The following INIP variants were observed in gnomAD, a reference collection of about 807,000 sequenced individuals.
INIP encodes SOSS complex subunit C.
INIP carries 9 observed loss-of-function variants against 14.0 expected under a neutral mutation model. That is an observed-to-expected ratio of 0.64 (90% CI 0.39 to 1.12). The LOEUF (loss-of-function observed/expected upper bound fraction) is 1.12, where lower values mean the gene tolerates loss of function less well. Among genes scored for constraint, INIP ranks in the 50% most tolerant of loss-of-function variants. The probability of loss-of-function intolerance (pLI) is 0.01; values close to 1 mark genes in which losing one functional copy is unlikely to be tolerated. For missense variants in INIP, 78 were observed against 122.7 expected, an observed-to-expected ratio of 0.64 and a Z score of 1.72; for synonymous variants, 37 against 41.5, an observed-to-expected ratio of 0.89 and a Z score of 0.41.
intron 2 of INIP, among the ~76,000 whole-genome samples, chr9:112,715,773 CAAAA>C (rs767866943): frequency 9.3e-6 from 1 of 107,614 alleles, no homozygotes. Context: ...AATTCCATCT[CAAAA>C]AAAAAAAAAA....
intron 2 of INIP, among the ~76,000 whole-genome samples, chr9:112,715,390 A>G: frequency 6.6e-6 from 1 of 152,200 alleles, no homozygotes; most frequent in East Asian, 1.9e-4. Flanking sequence ...TTCTTCAATA[A>G]TACATTAACC....
At chr9:112,708,419 G>A (rs1838548931) in intron 2 of INIP, among the ~76,000 whole-genome samples, 2 of 152,164 alleles carry the variant, frequency 1.3e-5, no homozygotes, top group African/African-American at 2.4e-5. Flanking sequence ...GTTTTTAGTG[G>A]ATGGAAATGC....
chr9:112,711,005 C>T (rs183607524), intron 2 of INIP, among the ~76,000 whole-genome samples: 1 of 151,650 alleles, frequency 6.6e-6, no homozygotes, highest in African/African-American at 2.4e-5. Context: ...AAAGCGAGAC[C>T]CTGTTTCTAC....
chr9:112,709,785 G>A (rs1838591126), intron 2 of INIP, among the ~76,000 whole-genome samples: 1 of 152,192 alleles, frequency 6.6e-6, no homozygotes, highest in African/African-American at 2.4e-5. Flanking sequence ...CAGTCTGAGT[G>A]CATGTGTGGA....
rs941135509 is a variant in INIP at position 112,715,128 on chromosome 9, A to G, written c.25+1333T>C. ...GATCTTAAAATACACACATACATACATACATACACACACACACACACACAC... is the reference window on the plus strand; with the variant it reads ...GATCTTAAAATACACACATACATACGTACATACACACACACACACACACAC... On this transcript the variant is annotated intron_variant, in intron 2 of 4. Transcript: ENST00000374242. Among the ~76,000 whole-genome samples, 3 of 127,618 alleles carry G rather than the reference A, an allele frequency of 2.4e-5. No individual in the cohort carries two copies. In the South Asian group the frequency reaches 7.5e-4, roughly 32 times the overall value. 83.7% of individuals were successfully genotyped at this position (127,618 alleles called of 152,430 possible).
intron 2 of INIP, among the ~76,000 whole-genome samples, chr9:112,711,123 T>C (rs1464716721): frequency 1.3e-5 from 2 of 151,886 alleles, no homozygotes; most frequent in South Asian, 4.2e-4. Flanking sequence ...GGAGCTACAA[T>C]CACAACACTG....
intron 1 of INIP, among the ~76,000 whole-genome samples, chr9:112,717,290 G>T (rs1838855208): frequency 6.6e-6 from 1 of 152,150 alleles, no homozygotes; most frequent in Admixed American, 6.5e-5. Context: ...TACTGTATCT[G>T]CTCTGCACCA....
Position 112,684,037 on chromosome 9 carries a change from A to C in INIP, c.*3501T>G, listed in dbSNP as rs547467834. The C allele has an allele frequency of 6.6e-6, 1 of 152,366 alleles. No individual in the cohort carries two copies. Among genetic ancestry groups the C allele is most frequent in the Admixed American group, 6.5e-5 (1 of 15,306 alleles). 9.4% of individuals were successfully genotyped at this position (152,366 alleles called of 1,614,324 possible). ...TTTTTTTGCCATAACTCACAGTAAA[A>C]AAAAATACATTTTATATTGCAACTC... On this transcript the variant is annotated 3_prime_UTR_variant, in exon 5 of 5. Transcript: ENST00000374242.
At chr9:112,703,632 G>A (rs1013568872) in intron 2 of INIP, among the ~76,000 whole-genome samples, 1 of 152,072 alleles carries the variant, frequency 6.6e-6, no homozygotes, top group Admixed American at 6.6e-5. Flanking sequence ...TATCAAAATC[G>A]ATTGGACTAT....
Position 112,684,584 on chromosome 9 carries a change from T to C in INIP, c.*2954A>G, listed in dbSNP as rs1387754190. 6.6e-6 allele frequency: 1 copy of C among 151,776 alleles called. No homozygotes were observed. Among genetic ancestry groups the C allele is most frequent in the Non-Finnish European group, 1.5e-5 (1 of 67,944 alleles). 9.4% of individuals were successfully genotyped at this position (151,776 alleles called of 1,614,324 possible). A position where few individuals can be genotyped will look rare whatever the true frequency, so the allele number is the denominator to read the frequency against. ...AAAACCAACACAATACAAAGTAAAA[T>C]ATAGGAACACACAGAAACAGAATAT... On this transcript the variant is annotated 3_prime_UTR_variant, in exon 5 of 5. Transcript: ENST00000374242.
intron 1 of INIP, among the ~76,000 whole-genome samples, 160 bp from the exon 2 acceptor site, chr9:112,716,701 C>T (rs1303846575): frequency 1.3e-5 from 2 of 152,060 alleles, no homozygotes; most frequent in African/African-American, 4.8e-5. Flanking sequence ...AATCCCAGCA[C>T]TTTGGGAGGC....
intron 2 of INIP, among the ~76,000 whole-genome samples, chr9:112,708,365 TAGTC>T (rs1302550755): frequency 1.3e-5 from 2 of 151,940 alleles, no homozygotes; most frequent in East Asian, 1.9e-4. Context: ...CAAGAGAAAA[TAGTC>T]AGGAAACTAT....
In INIP at chr9:112,703,877, G is replaced by A. The variant is rs546567934; in HGVS notation, c.26-9644C>T. ...CAGCTAAGTGGAATAAATTAAGTCT[G>A]TGATAAGCCATGAATTCATAATGAG... is the stretch of plus-strand genomic sequence containing the variant. On this transcript the variant is annotated intron_variant, in intron 2 of 4. Coordinates refer to ENST00000374242, the MANE Select transcript of INIP (RefSeq NM_021218.3). 7.2e-5 allele frequency among the ~76,000 whole-genome samples: 11 copies of A among 152,326 alleles called. No individual in the cohort carries two copies. In the East Asian group the frequency reaches 2.1e-3, roughly 29 times the overall value.
chr9:112,704,061 C>T (rs974577762), intron 2 of INIP, among the ~76,000 whole-genome samples: 4 of 152,042 alleles, frequency 2.6e-5, no homozygotes, highest in South Asian at 2.1e-4. Flanking sequence ...GAAGTATAGC[C>T]GTATACTTTT....
Position 112,686,797 on chromosome 9 carries a change from C to T in INIP, c.*741G>A, listed in dbSNP as rs1432652003. ...ACAGGCATGAGGCACCGTGCCCAGCCAAAAAGTTTTCAGTTAGAACAAAAA... is the reference window on the plus strand; with the variant it reads ...ACAGGCATGAGGCACCGTGCCCAGCTAAAAAGTTTTCAGTTAGAACAAAAA... On this transcript the variant is annotated 3_prime_UTR_variant, in exon 5 of 5. Transcript: ENST00000374242. 4 of 152,188 alleles carry T rather than the reference C, an allele frequency of 2.6e-5. No individual in the cohort carries two copies. The highest frequency in any genetic ancestry group is 5.9e-5 in the Non-Finnish European group (4 of 68,042). The allele number at this position is 152,188 out of a possible 1,614,324, so 9.4% of individuals were successfully genotyped here. A position where few individuals can be genotyped will look rare whatever the true frequency, so the allele number is the denominator to read the frequency against.
rs940712194 is a variant in INIP at position 112,685,558 on chromosome 9, A to G, written c.*1980T>C. On this transcript the variant is annotated 3_prime_UTR_variant, in exon 5 of 5. Transcript: ENST00000374242. Reference sequence around the variant, plus strand: ...AAGACTAACAAACAGACTAGAAACGATAACACTGGTAAAAAGATCTCTTTA... The same window carrying G: ...AAGACTAACAAACAGACTAGAAACGGTAACACTGGTAAAAAGATCTCTTTA... The G allele has an allele frequency of 6.6e-6, 1 of 152,246 alleles. No homozygotes were observed. The highest frequency in any genetic ancestry group is 1.5e-5 in the Non-Finnish European group (1 of 68,044). The allele number at this position is 152,246 out of a possible 1,614,324, so 9.4% of individuals were successfully genotyped here.
chr9:112,686,185 T>C lies in INIP; in HGVS notation c.*1353A>G, dbSNP rs1272803095. 3 of 152,168 alleles carry C rather than the reference T, an allele frequency of 2.0e-5. No homozygotes were observed. Among genetic ancestry groups the C allele is most frequent in the African/African-American group, 7.2e-5 (3 of 41,434 alleles). The allele number at this position is 152,168 out of a possible 1,614,324, so 9.4% of individuals were successfully genotyped here. ...ATCTGTGATACAGTGTAAAATATCATTTCAATCCTATTAAAAGTTAAAAAA... is the reference window on the plus strand; with the variant it reads ...ATCTGTGATACAGTGTAAAATATCACTTCAATCCTATTAAAAGTTAAAAAA... On this transcript the variant is annotated 3_prime_UTR_variant, in exon 5 of 5. Coordinates refer to ENST00000374242, the MANE Select transcript of INIP (RefSeq NM_021218.3).
intron 3 of INIP, among the ~76,000 whole-genome samples, chr9:112,691,227 G>A (rs1837875472): frequency 6.6e-6 from 1 of 152,186 alleles, no homozygotes; most frequent in East Asian, 1.9e-4. Context: ...ACCTTTCAAA[G>A]TATAATCACA....
At chr9:112,700,613 G>T (rs1173497447) in intron 2 of INIP, among the ~76,000 whole-genome samples, 1 of 147,612 alleles carries the variant, frequency 6.8e-6, no homozygotes, top group Non-Finnish European at 1.5e-5. Context: ...CAATTTTTAG[G>T]CATTAAGTTA....
Sources: allele counts gnomAD v4.1 joint callset (sites outside exome capture counted in the v4.1 genomes callset), GRCh38; gene constraint gnomAD v4.1.1; transcripts MANE v1.5; gene names NCBI Gene and HGNC (gene_info 2026-07-23, HGNC 2026-07-21).